Variants in SLIT2 observed in about 807,000 individuals in gnomAD.
SLIT2 encodes slit guidance ligand 2.
A neutral mutation model predicts 185.7 loss-of-function variants in SLIT2; 41 were observed. The observed-to-expected ratio is 0.22, with a 90% CI of 0.17 to 0.29. The LOEUF is 0.29. Among genes scored for constraint, SLIT2 ranks in the 10% least tolerant of loss-of-function variants. SLIT2 has a pLI of 1.00. For missense variants in SLIT2, 1,571 were observed against 1,909.0 expected, an observed-to-expected ratio of 0.82 and a Z score of 3.30; for synonymous variants, 693 against 680.2, an observed-to-expected ratio of 1.02 and a Z score of -0.29.
At chr4:20,382,349 G>A (rs1724594817) in intron 4 of SLIT2, among the ~76,000 whole-genome samples, 1 of 152,094 alleles carries the variant, frequency 6.6e-6, no homozygotes, top group Admixed American at 6.6e-5. Flanking sequence ...AGCCTGCCTA[G>A]TAAGTTTTTA....
intron 4 of SLIT2, among the ~76,000 whole-genome samples, chr4:20,271,503 A>G (rs1207848754): frequency 6.8e-6 from 1 of 146,986 alleles, no homozygotes; most frequent in Non-Finnish European, 1.5e-5. Context: ...ATATATATAT[A>G]TATAGCAAGC....
chr4:20,582,804 C>G (rs1217512104), intron 29 of SLIT2, among the ~76,000 whole-genome samples: 1 of 152,174 alleles, frequency 6.6e-6, no homozygotes. Context: ...AACATCACTA[C>G]TCTTGCACTT....
intron 4 of SLIT2, among the ~76,000 whole-genome samples, chr4:20,408,577 A>G (rs1020280313): frequency 4.6e-5 from 7 of 151,988 alleles, no homozygotes; most frequent in African/African-American, 1.7e-4. Flanking sequence ...TTTTGTGATT[A>G]TGTGCTTATT....
At chr4:20,308,176 G>T (rs1717759395) in intron 4 of SLIT2, among the ~76,000 whole-genome samples, 1 of 152,166 alleles carries the variant, frequency 6.6e-6, no homozygotes, top group Non-Finnish European at 1.5e-5. Context: ...TGAGGGATTA[G>T]CAGTTCACCA....
Position 20,316,819 on chromosome 4 carries a change from C to CT in SLIT2, c.395+47953dup, listed in dbSNP as rs751761001. Reference sequence around the variant, plus strand: ...TATTATATTCCTGGCAGGGCTTGAGCTTTTTTTTTTTTTTTAATCTCCAGG... The same window carrying CT: ...TATTATATTCCTGGCAGGGCTTGAGCTTTTTTTTTTTTTTTTAATCTCCAGG... On this transcript the variant is annotated intron_variant, in intron 4 of 36. Coordinates refer to ENST00000504154, the MANE Select transcript of SLIT2 (RefSeq NM_004787.4). Among the ~76,000 whole-genome samples the CT allele has an allele frequency of 7.3e-4, 94 of 128,608 alleles. 1 individual carries two copies. Among genetic ancestry groups the CT allele is most frequent in the Middle Eastern group, 4.1e-3 (1 of 246 alleles). The allele number at this position is 128,608 out of a possible 152,430, so 84.4% of individuals were successfully genotyped here. A position where few individuals can be genotyped will look rare whatever the true frequency, so the allele number is the denominator to read the frequency against.
At chr4:20,493,590 G>C (rs1335619464) in intron 9 of SLIT2, among the ~76,000 whole-genome samples, 3 of 152,172 alleles carry the variant, frequency 2.0e-5, no homozygotes, top group African/African-American at 7.2e-5. Flanking sequence ...GGCAAGGTAC[G>C]ATGGTTAACT....
Position 20,386,607 on chromosome 4 carries a change from A to G in SLIT2, c.396-81145A>G, listed in dbSNP as rs189805624. Among the ~76,000 whole-genome samples, 189 of 152,324 alleles carry G rather than the reference A, an allele frequency of 1.2e-3. 2 individuals are homozygous for G. The highest frequency in any genetic ancestry group is 3.7e-3 in the African/African-American group (152 of 41,580). ...ATTTTTCAGAACATACTGAAATTCT[A>G]TTATTCAGTCCTCAACCACTGATTT... On this transcript the variant is annotated intron_variant, in intron 4 of 36. Transcript: ENST00000504154.
chr4:20,332,100 T>C (rs938657788), intron 4 of SLIT2, among the ~76,000 whole-genome samples: 2 of 152,194 alleles, frequency 1.3e-5, no homozygotes, highest in Non-Finnish European at 2.9e-5. Flanking sequence ...GTTGAACTTT[T>C]GTGTAGAAGC....
At chr4:20,261,117 T>C (rs1446348719) in intron 3 of SLIT2, among the ~76,000 whole-genome samples, 3 of 151,856 alleles carry the variant, frequency 2.0e-5, no homozygotes, top group Non-Finnish European at 4.4e-5. Flanking sequence ...ATGTGCAGAG[T>C]CACATTTCCT....
intron 4 of SLIT2, among the ~76,000 whole-genome samples, chr4:20,440,298 C>T: frequency 6.6e-6 from 1 of 152,130 alleles, no homozygotes; most frequent in East Asian, 1.9e-4. Context: ...CGTTGCATTT[C>T]CCTGGAGTTG....
intron 4 of SLIT2, among the ~76,000 whole-genome samples, chr4:20,398,840 CTG>C (rs1448370871): frequency 1.4e-4 from 22 of 151,874 alleles, no homozygotes; most frequent in Admixed American, 1.1e-3. Context: ...TATTTTAACT[CTG>C]TATTTAGCTC....
At chr4:20,554,390 G>A (rs181831883) in intron 26 of SLIT2, 97 of 456,400 alleles carry the variant, frequency 2.1e-4, no homozygotes, top group African/African-American at 1.6e-3. Flanking sequence ...CTTCTGACTC[G>A]CCTTATGTGC....
intron 9 of SLIT2, among the ~76,000 whole-genome samples, chr4:20,507,421 G>A (rs1043109225): frequency 4.0e-5 from 6 of 151,742 alleles, no homozygotes; most frequent in Admixed American, 6.6e-5. Context: ...TTAAATTATA[G>A]AATTAGTTTG....
At chr4:20,555,611 G>A (rs1724186604) in intron 26 of SLIT2, among the ~76,000 whole-genome samples, 1 of 151,968 alleles carries the variant, frequency 6.6e-6, no homozygotes, top group Non-Finnish European at 1.5e-5. Context: ...ACACTTCATG[G>A]TTTATTAATA....
intron 4 of SLIT2, among the ~76,000 whole-genome samples, chr4:20,358,521 T>A (rs2109285527): frequency 6.6e-6 from 1 of 152,192 alleles, no homozygotes; most frequent in East Asian, 1.9e-4. Flanking sequence ...TTTGAAGAAA[T>A]TTTCAAGAAA....
At chr4:20,362,886 A>C (rs2109298258) in intron 4 of SLIT2, among the ~76,000 whole-genome samples, 1 of 152,036 alleles carries the variant, frequency 6.6e-6, no homozygotes, top group South Asian at 2.1e-4. Flanking sequence ...TCTTAATATT[A>C]AAATGTTTCC....
Position 20,472,278 on chromosome 4 carries a change from A to ATATATCTATATATAGATATATATC in SLIT2, c.467+4460_467+4461insCTATATATAGATATATATCTATAT, listed in dbSNP as rs1456164605. Among the ~76,000 whole-genome samples, 183 of 32,852 alleles carry ATATATCTATATATAGATATATATC rather than the reference A, an allele frequency of 5.6e-3. 39 individuals carry two copies. Among genetic ancestry groups the ATATATCTATATATAGATATATATC allele is most frequent in the Admixed American group, 0.011 (22 of 1,918 alleles). The allele number at this position is 32,852 out of a possible 152,430, so 21.6% of individuals were successfully genotyped here. A position where few individuals can be genotyped will look rare whatever the true frequency, so the allele number is the denominator to read the frequency against. The stretch of plus-strand genomic sequence containing the variant: ...TAGATCTATATATAGATATATATCT[A>ATATATCTATATATAGATATATATC]TATATATAGATATATAGATATATAG... On this transcript the variant is annotated intron_variant, in intron 5 of 36. Coordinates refer to ENST00000504154, the MANE Select transcript of SLIT2 (RefSeq NM_004787.4).
At chr4:20,481,308 C>T (rs1716678514) in intron 6 of SLIT2, among the ~76,000 whole-genome samples, 1 of 152,138 alleles carries the variant, frequency 6.6e-6, no homozygotes, top group Non-Finnish European at 1.5e-5. Flanking sequence ...TAATGTACAA[C>T]ACGCAGACTT....
chr4:20,437,257 C>T (rs909220193), intron 4 of SLIT2, among the ~76,000 whole-genome samples: 19 of 152,070 alleles, frequency 1.2e-4, no homozygotes, highest in African/African-American at 4.3e-4. Context: ...TGCCATCTCC[C>T]AAGCTGGCTT....
Sources: allele counts gnomAD v4.1 joint callset (sites outside exome capture counted in the v4.1 genomes callset), GRCh38; gene constraint gnomAD v4.1.1; transcripts MANE v1.5; gene names NCBI Gene and HGNC (gene_info 2026-07-23, HGNC 2026-07-21).